Variants in RSPH14 observed in about 807,000 individuals in gnomAD.
RSPH14 encodes the protein radial spoke head 14 homolog.
A neutral mutation model predicts 26.7 loss-of-function variants in RSPH14; 20 were observed. The ratio of observed to expected loss-of-function variants is 0.75; its 90% CI spans 0.53 to 1.09. The LOEUF is 1.09. RSPH14 is among the 50% of genes least tolerant of loss of function. The probability of loss-of-function intolerance (pLI) is 0.00; values close to 1 mark genes in which losing one functional copy is unlikely to be tolerated. For synonymous variants in RSPH14, 177 were observed against 189.3 expected (o/e 0.93, Z 0.53); for missense variants, 449 against 457.2 (o/e 0.98, Z 0.16).
At chr22:23,158,879 C>T in the RSPH14 span, 1 of 1,610,852 alleles carries the variant, frequency 6.2e-7, no homozygotes. Context: ...ATCTCTCAGC[C>T]TCTCTCCTTA....
chr22:23,098,566 G>A (rs993747057), intron 4 of RSPH14, among the ~76,000 whole-genome samples: 1 of 152,244 alleles, frequency 6.6e-6, no homozygotes, highest in Non-Finnish European at 1.5e-5. Flanking sequence ...GGGAGGGGCT[G>A]GCAGCCAGGC....
At chr22:23,146,588 C>T (rs117152978), upstream of RSPH14, 4 of 1,612,390 alleles carry the variant, frequency 2.5e-6, no homozygotes, top group African/African-American at 1.3e-5. Flanking sequence ...CTGTCTTTCT[C>T]CTGGTTGGGT....
rs140606064 is a variant in RSPH14, at chr22:23,059,706, G to A, written c.803C>T (p.Ala268Val). Residue 268 changes from alanine to valine, a missense_variant, in exon 7 of 7, where the codon GCC becomes GTC. Physicochemically the swap from Ala to Val is moderately conservative, Grantham distance 64. Coordinates refer to ENST00000216036, the MANE Select transcript of RSPH14 (RefSeq NM_014433.3). Reference sequence around the variant, plus strand: ...CAGGCCGATGGCTTGTGCCTCCAGGGCCGCATACTTCCCTGCAGGCCACCA... The same window carrying A: ...CAGGCCGATGGCTTGTGCCTCCAGGACCGCATACTTCCCTGCAGGCCACCA... ...ATVITEGKYA[A>V]LEAQAIGLLL... 1.4e-4 allele frequency: 217 copies of A among 1,533,190 alleles called. 2 individuals carry two copies. The Middle Eastern group carries it at 1.7e-3, about 12-fold the overall frequency. 95.0% of individuals were successfully genotyped at this position (1,533,190 alleles called of 1,614,324 possible).
intron 4 of RSPH14, among the ~76,000 whole-genome samples, chr22:23,127,932 G>T (rs986941920): frequency 2.0e-5 from 3 of 152,272 alleles, no homozygotes; most frequent in Non-Finnish European, 4.4e-5. Flanking sequence ...CCTCCTCTCG[G>T]GCTGGTGCTC....
chr22:23,161,520 G>A, the RSPH14 span: 636 of 1,612,852 alleles, frequency 3.9e-4, 2 homozygotes, highest in African/African-American at 7.4e-3. Flanking sequence ...GAGTCCGCCC[G>A]AGACCCAGGA....
the RSPH14 span, among the ~76,000 whole-genome samples, chr22:23,173,132 CT>C: frequency 6.6e-6 from 1 of 151,806 alleles, no homozygotes; most frequent in Non-Finnish European, 1.5e-5. Context: ...TTCTTTCTTT[CT>C]TTTTTTCTTT....
chr22:23,072,369 G>A (rs1350356980), intron 4 of RSPH14, among the ~76,000 whole-genome samples: 1 of 152,174 alleles, frequency 6.6e-6, no homozygotes, highest in Non-Finnish European at 1.5e-5. Context: ...TCATTCTCTA[G>A]GAATGAGGAG....
the RSPH14 span, chr22:23,159,248 A>C: frequency 6.3e-7 from 1 of 1,589,396 alleles, no homozygotes; most frequent in Admixed American, 1.8e-5. Context: ...GTGTCGGCCA[A>C]GACTGGTGAG....
At chr22:23,109,616 G>T (rs1285917172) in intron 4 of RSPH14, among the ~76,000 whole-genome samples, 1 of 152,182 alleles carries the variant, frequency 6.6e-6, no homozygotes, top group African/African-American at 2.4e-5. Flanking sequence ...GAGAATGGGT[G>T]CCAGGAGCTG....
At chr22:23,160,590 G>A in the RSPH14 span, among the ~76,000 whole-genome samples, 1 of 152,202 alleles carries the variant, frequency 6.6e-6, no homozygotes, top group Admixed American at 6.5e-5. Flanking sequence ...AGTAGATGCT[G>A]GGAAGCAAAG....
chr22:23,080,052 G>T (rs1176376029), intron 4 of RSPH14, among the ~76,000 whole-genome samples: 1 of 152,192 alleles, frequency 6.6e-6, no homozygotes, highest in African/African-American at 2.4e-5. Flanking sequence ...GGAGCCAGGA[G>T]CCTGGGGCTA....
chr22:23,175,083 G>A, the RSPH14 span, among the ~76,000 whole-genome samples: 29 of 150,016 alleles, frequency 1.9e-4, no homozygotes, highest in South Asian at 6.4e-4. Flanking sequence ...TACAAGCTCC[G>A]CCTCCTGGGT....
the RSPH14 span, chr22:23,153,562 G>A: frequency 1.0e-6 from 1 of 985,024 alleles, no homozygotes; most frequent in South Asian, 4.7e-5. Context: ...TGCATGCCAG[G>A]CTTGGGCAAG....
intron 4 of RSPH14, among the ~76,000 whole-genome samples, chr22:23,093,501 G>A (rs2069045476): frequency 6.6e-6 from 1 of 152,240 alleles, no homozygotes; most frequent in African/African-American, 2.4e-5. Context: ...GGTCATGTAG[G>A]TCACACATTA....
chr22:23,159,254 G>A, the RSPH14 span: 6 of 1,584,998 alleles, frequency 3.8e-6, no homozygotes, highest in Non-Finnish European at 5.1e-6. Flanking sequence ...GCCAAGACTG[G>A]TGAGTGGGCC....
intron 4 of RSPH14, among the ~76,000 whole-genome samples, chr22:23,078,304 C>T (rs2146261749): frequency 6.6e-6 from 1 of 152,352 alleles, no homozygotes; most frequent in African/African-American, 2.4e-5. Context: ...CTATTCATTT[C>T]CCTTAAACAC....
chr22:23,112,991 A>T (rs2069697321), intron 4 of RSPH14, among the ~76,000 whole-genome samples: 1 of 152,178 alleles, frequency 6.6e-6, no homozygotes, highest in Non-Finnish European at 1.5e-5. Flanking sequence ...TTCAGGTCTG[A>T]CGTGGCCCAT....
chr22:23,169,754 C>A, the RSPH14 span, among the ~76,000 whole-genome samples: 2 of 152,078 alleles, frequency 1.3e-5, no homozygotes, highest in Non-Finnish European at 2.9e-5. Flanking sequence ...GACTGTGTGA[C>A]CCTCATGAGC....
At chr22:23,125,845 A>G in intron 4 of RSPH14, among the ~76,000 whole-genome samples, 1 of 152,160 alleles carries the variant, frequency 6.6e-6, no homozygotes, top group South Asian at 2.1e-4. Flanking sequence ...AGGGAGCAGC[A>G]CAGAACCACC....
Sources: allele counts gnomAD v4.1 joint callset (sites outside exome capture counted in the v4.1 genomes callset), GRCh38; gene constraint gnomAD v4.1.1; transcripts MANE v1.5; gene names NCBI Gene and HGNC (gene_info 2026-07-23, HGNC 2026-07-21).